Variants in BMPER observed in about 807,000 individuals in gnomAD.
BMPER encodes BMP-binding endothelial regulator protein.
Under a neutral mutation model 87.3 loss-of-function variants are expected in BMPER, and 45 were observed. The observed-to-expected ratio is 0.52, with a 90% CI of 0.41 to 0.66. The LOEUF (loss-of-function observed/expected upper bound fraction) is 0.66, where lower values mean the gene tolerates loss of function less well. Ranked by LOEUF, BMPER falls within the 30% of genes least tolerant of loss-of-function variation. The pLI is 0.00. For missense variants in BMPER, 784 were observed against 867.5 expected (o/e 0.90, Z 1.21); for synonymous variants, 326 against 316.2 (o/e 1.03, Z -0.33).
At chr7:33,982,264 A>G (rs532812497) in intron 6 of BMPER, among the ~76,000 whole-genome samples, 1 of 152,294 alleles carries the variant, frequency 6.6e-6, no homozygotes, top group Non-Finnish European at 1.5e-5. Flanking sequence ...CATTTTAGTC[A>G]TAAGCTGTCA....
intron 3 of BMPER, among the ~76,000 whole-genome samples, chr7:33,963,804 AC>A (rs1207604539): frequency 6.6e-6 from 1 of 151,930 alleles, no homozygotes; most frequent in East Asian, 1.9e-4. Context: ...AAAACAAAAA[AC>A]AAACAAACAA....
At chr7:34,122,402 G>A (rs1790285841) in intron 13 of BMPER, among the ~76,000 whole-genome samples, 1 of 152,180 alleles carries the variant, frequency 6.6e-6, no homozygotes, top group Non-Finnish European at 1.5e-5. Flanking sequence ...ACAGAATGCG[G>A]CTCAATAGGT....
At chr7:34,107,214 C>T (rs1437532118) in intron 13 of BMPER, among the ~76,000 whole-genome samples, 2 of 152,170 alleles carry the variant, frequency 1.3e-5, no homozygotes, top group Non-Finnish European at 2.9e-5. Context: ...TGCAGACTTC[C>T]AGTAGTTGAT....
At chr7:34,023,967 C>T (rs1335276207) in intron 6 of BMPER, among the ~76,000 whole-genome samples, 1 of 151,776 alleles carries the variant, frequency 6.6e-6, no homozygotes, top group African/African-American at 2.4e-5. Flanking sequence ...AAAACAGCCT[C>T]CCTTGATTCC....
chr7:33,928,321 G>A (rs1347821858), intron 2 of BMPER, among the ~76,000 whole-genome samples: 1 of 152,214 alleles, frequency 6.6e-6, no homozygotes, highest in Middle Eastern at 3.4e-3. Context: ...CAGGGCCCAC[G>A]GGGCTCGATC....
At chr7:33,904,929 T>A (rs1171894953), upstream of BMPER, 1 of 152,486 alleles carries the variant, frequency 6.6e-6, no homozygotes, top group African/African-American at 2.4e-5. This position sits in a 1 kb window ranked among gnomAD's most constrained non-coding sequence, Gnocchi z 5.4. Context: ...GAGACGCGCC[T>A]TCTCGGCTCT....
intron 6 of BMPER, among the ~76,000 whole-genome samples, chr7:34,013,093 T>C (rs1786925394): frequency 6.6e-6 from 1 of 151,720 alleles, no homozygotes; most frequent in Non-Finnish European, 1.5e-5. Context: ...ACGCAGAACA[T>C]TGTGCTCAAT....
intron 13 of BMPER, among the ~76,000 whole-genome samples, chr7:34,111,445 T>C (rs757640): frequency 0.76 from 116,019 of 152,126 alleles, 44,849 homozygotes; most frequent in East Asian, 0.95. Flanking sequence ...GTTGATTGGC[T>C]GAGGCTTGAA....
intron 13 of BMPER, among the ~76,000 whole-genome samples, chr7:34,088,259 G>A (rs1032259812): frequency 3.3e-5 from 5 of 152,168 alleles, no homozygotes; most frequent in Non-Finnish European, 7.3e-5. Flanking sequence ...TCCTGGAAAG[G>A]GCAGAGGAGC....
chr7:33,966,048 A>G (rs1019906293), intron 3 of BMPER, among the ~76,000 whole-genome samples: 6 of 152,184 alleles, frequency 3.9e-5, no homozygotes, highest in African/African-American at 9.7e-5. Context: ...CAAGTCCTAT[A>G]TTTTAATTTT....
chr7:34,063,472 A>C (rs1214679814), intron 11 of BMPER, among the ~76,000 whole-genome samples: 2 of 152,198 alleles, frequency 1.3e-5, no homozygotes, highest in African/African-American at 2.4e-5. Context: ...AGAAGCAGAG[A>C]GCTATTAAAC....
At chr7:34,024,378 AAAAACAATATATATATAT>A (rs1787288744) in intron 6 of BMPER, among the ~76,000 whole-genome samples, 6 of 89,318 alleles carry the variant, frequency 6.7e-5, no homozygotes, top group African/African-American at 3.4e-4. Flanking sequence ...AAAAAAAAAA[AAAAACAATATATATATAT>A]ATATATATAT....
chr7:33,960,181 T>C (rs1413932586), intron 3 of BMPER, among the ~76,000 whole-genome samples: 2 of 152,228 alleles, frequency 1.3e-5, no homozygotes, highest in African/African-American at 4.8e-5. Flanking sequence ...CTCTTGGGAC[T>C]GAGGAAATGG....
intron 6 of BMPER, among the ~76,000 whole-genome samples, chr7:34,006,845 A>G (rs937788149): frequency 6.6e-5 from 10 of 152,102 alleles, no homozygotes; most frequent in African/African-American, 2.4e-4. Flanking sequence ...CAAAGCAATC[A>G]ATCTGTGTTT....
At chr7:34,147,499 T>C (rs891530719) in intron 14 of BMPER, among the ~76,000 whole-genome samples, 1 of 152,200 alleles carries the variant, frequency 6.6e-6, no homozygotes, top group Non-Finnish European at 1.5e-5. Flanking sequence ...AGACGGAGTT[T>C]TGCTCTTGTT....
chr7:34,024,425 A>AC (rs1204487633), intron 6 of BMPER, among the ~76,000 whole-genome samples: 20 of 65,994 alleles, frequency 3.0e-4, no homozygotes, highest in African/African-American at 1.9e-3. Context: ...ATATATATAT[A>AC]TATATATATG....
chr7:34,008,465 A>G (rs549615310), intron 6 of BMPER, among the ~76,000 whole-genome samples: 15 of 151,230 alleles, frequency 9.9e-5, no homozygotes, highest in South Asian at 2.1e-4. Context: ...AAAATTTCCC[A>G]GTTTTTTTTC....
At chr7:34,107,478 C>T (rs1278509932) in intron 13 of BMPER, among the ~76,000 whole-genome samples, 1 of 152,202 alleles carries the variant, frequency 6.6e-6, no homozygotes, top group East Asian at 1.9e-4. Flanking sequence ...CTCTGACTAA[C>T]ATCCTCCAGG....
At chr7:34,118,368 C>G (rs924393513) in intron 13 of BMPER, among the ~76,000 whole-genome samples, 1 of 152,158 alleles carries the variant, frequency 6.6e-6, no homozygotes, top group Non-Finnish European at 1.5e-5. Flanking sequence ...AAGAAAGTAG[C>G]TCACTCTTTA....
Sources: allele counts gnomAD v4.1 joint callset (sites outside exome capture counted in the v4.1 genomes callset), GRCh38; gene constraint gnomAD v4.1.1; non-coding constraint Gnocchi (gnomAD v3.1); transcripts MANE v1.5; gene names NCBI Gene and HGNC (gene_info 2026-07-23, HGNC 2026-07-21).